The following MOSMO variants were observed in gnomAD, a reference collection of about 807,000 sequenced individuals.
MOSMO encodes modulator of smoothened protein.
Under a neutral mutation model 18.4 loss-of-function variants are expected in MOSMO, and 5 were observed. The ratio of observed to expected loss-of-function variants is 0.27; its 90% CI spans 0.14 to 0.57. The LOEUF is 0.57. Among genes scored for constraint, MOSMO ranks in the 20% least tolerant of loss-of-function variants. MOSMO has a pLI of 0.92. For missense variants in MOSMO, 138 were observed against 211.8 expected, an observed-to-expected ratio of 0.65 and a Z score of 2.16; for synonymous variants, 82 against 82.3, an observed-to-expected ratio of 1.00 and a Z score of 0.02.
chr16:22,077,285 G>A (rs1900988962), intron 2 of MOSMO, among the ~76,000 whole-genome samples: 1 of 152,150 alleles, frequency 6.6e-6, no homozygotes, highest in Non-Finnish European at 1.5e-5. Flanking sequence ...CCAATAAAGG[G>A]AAAGAACTAG....
intron 1 of MOSMO, among the ~76,000 whole-genome samples, chr16:22,068,198 G>A: frequency 6.6e-6 from 1 of 152,282 alleles, no homozygotes; most frequent in Non-Finnish European, 1.5e-5. Context: ...TTATAAAAGT[G>A]TGTTAGGCTT....
intron 2 of MOSMO, among the ~76,000 whole-genome samples, chr16:22,079,729 T>A (rs1265685304): frequency 6.6e-6 from 1 of 152,230 alleles, no homozygotes; most frequent in Non-Finnish European, 1.5e-5. Flanking sequence ...TGTGACACTT[T>A]ACTAATCCCA....
chr16:22,068,021 A>G (rs376240108), intron 1 of MOSMO, among the ~76,000 whole-genome samples: 2 of 152,340 alleles, frequency 1.3e-5, no homozygotes, highest in African/African-American at 4.8e-5. Flanking sequence ...GACATGTTCT[A>G]TAGGAAATAC....
intron 1 of MOSMO, among the ~76,000 whole-genome samples, chr16:22,034,374 TATC>T (rs1450068293): frequency 6.6e-6 from 1 of 152,238 alleles, no homozygotes; most frequent in Non-Finnish European, 1.5e-5. Flanking sequence ...GATTATCTGT[TATC>T]ATTTCTAGCA....
chr16:22,045,312 T>A (rs990531459), intron 1 of MOSMO, among the ~76,000 whole-genome samples: 2 of 152,196 alleles, frequency 1.3e-5, no homozygotes, highest in Admixed American at 6.5e-5. Flanking sequence ...TTTGGGTATT[T>A]TAGAAAAATG....
At chr16:22,009,605 C>T (rs1366410961) in intron 1 of MOSMO, among the ~76,000 whole-genome samples, 4 of 151,880 alleles carry the variant, frequency 2.6e-5, no homozygotes, top group Admixed American at 2.0e-4. Context: ...ACTGCTTGTT[C>T]AGTGCAGGTG....
At chr16:22,024,937 C>T (rs1014480683) in intron 1 of MOSMO, among the ~76,000 whole-genome samples, 3 of 151,908 alleles carry the variant, frequency 2.0e-5, no homozygotes, top group Non-Finnish European at 4.4e-5. Context: ...ATCGCCTGAG[C>T]CCAGGAGTTT....
intron 1 of MOSMO, among the ~76,000 whole-genome samples, chr16:22,042,767 A>T (rs1194862103): frequency 6.6e-6 from 1 of 152,184 alleles, no homozygotes; most frequent in Non-Finnish European, 1.5e-5. Flanking sequence ...GCTCGCAAAA[A>T]CGGGAGTCCG....
At chr16:22,085,461 A>G (rs569914976), downstream of MOSMO, among the ~76,000 whole-genome samples, 164 of 152,310 alleles carry the variant, frequency 1.1e-3, 1 homozygote, top group African/African-American at 3.8e-3. Context: ...GTTATTTTCT[A>G]TAAACATTAA....
At chr16:22,058,411 G>A (rs1900578945) in intron 1 of MOSMO, among the ~76,000 whole-genome samples, 1 of 148,492 alleles carries the variant, frequency 6.7e-6, no homozygotes, top group African/African-American at 2.5e-5. Context: ...GGGTGACAGA[G>A]CGAGACTCCG....
chr16:22,019,904 T>G (rs1281606201), intron 1 of MOSMO, among the ~76,000 whole-genome samples: 1 of 152,118 alleles, frequency 6.6e-6, no homozygotes, highest in Admixed American at 6.6e-5. Flanking sequence ...AATTCAGGCT[T>G]CTTTTTTTTA....
chr16:22,080,631 A>G (rs1308061396), intron 2 of MOSMO, 65 bp from the exon 3 acceptor site: 1 of 1,138,318 alleles, frequency 8.8e-7, no homozygotes, highest in Non-Finnish European at 1.1e-6. Context: ...TTTGTGCCAA[A>G]TTTTCATTGT....
At position 22,008,265 on chromosome 16, in the gene MOSMO, T is replaced by C. The variant is rs1402015414; in HGVS notation, c.-37T>C. The stretch of plus-strand genomic sequence containing the variant: ...GCGGGAGGCGTGAGGCCGCTGCCTG[T>C]CCGGGGCTCGGGGGGTGGGGGGAGC... On this transcript the variant is annotated 5_prime_UTR_variant, in exon 1 of 3. Coordinates refer to ENST00000542527, the MANE Select transcript of MOSMO (RefSeq NM_001164579.2). The C allele has an allele frequency of 2.3e-5, 31 of 1,354,152 alleles. No individual in the cohort carries two copies. The highest frequency in any genetic ancestry group is 2.3e-5 in the Non-Finnish European group (24 of 1,031,632). 83.9% of individuals were successfully genotyped at this position (1,354,152 alleles called of 1,614,324 possible).
chr16:22,078,504 G>C (rs1901016642), intron 2 of MOSMO, among the ~76,000 whole-genome samples: 1 of 152,082 alleles, frequency 6.6e-6, no homozygotes, highest in Non-Finnish European at 1.5e-5. Context: ...AAACTCTTTG[G>C]TTGCAGAATG....
intron 1 of MOSMO, among the ~76,000 whole-genome samples, chr16:22,073,685 A>G (rs570896530): frequency 1.4e-4 from 22 of 151,986 alleles, no homozygotes; most frequent in African/African-American, 5.1e-4. Flanking sequence ...AAGGTTAGCA[A>G]TAAATAGTGT....
Position 22,080,552 on chromosome 16 carries a change from A to AAG in MOSMO, c.320-143_320-142insGA, listed in dbSNP as rs543658370. The AAG allele has an allele frequency of 7.0e-4, 360 of 517,978 alleles. 1 individual carries two copies. Among genetic ancestry groups the AAG allele is most frequent in the African/African-American group, 6.8e-3 (337 of 49,462 alleles). The allele number at this position is 517,978 out of a possible 1,614,324, so 32.1% of individuals were successfully genotyped here. ...GCTTCAGGGATACTATGTGACCTGAAATATATACACATTTTTAACAAGTGG... is the reference window on the plus strand; with the variant it reads ...GCTTCAGGGATACTATGTGACCTGAAAGATATATACACATTTTTAACAAGTGG... On this transcript the variant is annotated intron_variant, in intron 2 of 2. Coordinates refer to ENST00000542527, the MANE Select transcript of MOSMO (RefSeq NM_001164579.2).
chr16:22,029,346 T>G (rs1339950521), intron 1 of MOSMO, among the ~76,000 whole-genome samples: 1 of 152,228 alleles, frequency 6.6e-6, no homozygotes, highest in Non-Finnish European at 1.5e-5. Flanking sequence ...TTTAGAGTCT[T>G]CTGGCCTTGT....
chr16:22,075,466 C>T, intron 1 of MOSMO, 21 bp from the exon 2 acceptor site: 1 of 1,262,806 alleles, frequency 7.9e-7, no homozygotes, highest in South Asian at 1.8e-5. Context: ...TAAAGTATTC[C>T]CACCATTTGC....
chr16:22,060,638 C>T (rs978818322), intron 1 of MOSMO, among the ~76,000 whole-genome samples: 14 of 151,956 alleles, frequency 9.2e-5, no homozygotes, highest in African/African-American at 3.1e-4. Context: ...TTTGGGAGGC[C>T]GAAGCAGTCC....
Sources: gnomAD v4.1 joint callset for allele counts (sites outside exome capture counted in the v4.1 genomes callset) on GRCh38, gnomAD v4.1.1 for gene constraint, MANE v1.5 for transcripts, NCBI Gene and HGNC (gene_info 2026-07-23, HGNC 2026-07-21) for gene names.